Variants in B4GALT5 observed in about 807,000 individuals in gnomAD.
B4GALT5 encodes the protein UDP-Gal:beta-GlcNAc beta-1,4-galactosyltransferase 5.
Under a neutral mutation model 45.0 loss-of-function variants are expected in B4GALT5, and 11 were observed. The ratio of observed to expected loss-of-function variants is 0.24; its 90% CI spans 0.15 to 0.40. The LOEUF (loss-of-function observed/expected upper bound fraction) is 0.40, where lower values mean the gene tolerates loss of function less well. B4GALT5 is among the 10% of genes least tolerant of loss of function. The pLI is 1.00. For missense variants in B4GALT5, 337 were observed against 500.2 expected, an observed-to-expected ratio of 0.67 and a Z score of 3.11; for synonymous variants, 185 against 182.9, an observed-to-expected ratio of 1.01 and a Z score of -0.09.
intron 1 of B4GALT5, among the ~76,000 whole-genome samples, chr20:49,713,135 CG>C (rs1294354625): frequency 6.9e-6 from 1 of 145,312 alleles, no homozygotes; most frequent in African/African-American, 2.6e-5. Flanking sequence ...CACATGGGCT[CG>C]GCGAAGAGCG....
rs1296322073 is a variant in B4GALT5, at chr20:49,635,235, C to T, written c.*1077G>A. The T allele has an allele frequency of 2.9e-5, 4 of 136,418 alleles. No homozygotes were observed. The highest frequency in any genetic ancestry group is 6.4e-5 in the Non-Finnish European group (4 of 62,880). 8.5% of individuals were successfully genotyped at this position (136,418 alleles called of 1,614,324 possible). A position where few individuals can be genotyped will look rare whatever the true frequency, so the allele number is the denominator to read the frequency against. On this transcript the variant is annotated 3_prime_UTR_variant, in exon 9 of 9. Transcript: ENST00000371711. ...GATTCCCATACACACCCCCGCCCCC[C>T]GCCCCCCGCCCCGCCATGCTGATGA...
At chr20:49,705,478 G>A (rs1418427162) in intron 1 of B4GALT5, among the ~76,000 whole-genome samples, 1 of 152,144 alleles carries the variant, frequency 6.6e-6, no homozygotes, top group African/African-American at 2.4e-5. Context: ...GGAGTTCCCA[G>A]GCTAATGTCC....
At chr20:49,641,935 C>CA (rs36119710) in intron 5 of B4GALT5, among the ~76,000 whole-genome samples, 1,918 of 142,500 alleles carry the variant, frequency 0.013, 32 homozygotes, top group African/African-American at 0.045. Flanking sequence ...TATGCAGGAC[C>CA]AAAAAAAAAA....
intron 1 of B4GALT5, among the ~76,000 whole-genome samples, chr20:49,710,106 T>C (rs2085901389): frequency 6.6e-6 from 1 of 152,222 alleles, no homozygotes; most frequent in Non-Finnish European, 1.5e-5. Context: ...CTACATGATT[T>C]TTCTTATTTC....
chr20:49,648,551 A>G (rs1476468996), intron 2 of B4GALT5, among the ~76,000 whole-genome samples: 2 of 152,094 alleles, frequency 1.3e-5, no homozygotes, highest in African/African-American at 4.8e-5. Flanking sequence ...TTGAGCAGTC[A>G]GTTTTCTTGG....
At chr20:49,707,220 G>C (rs890698928) in intron 1 of B4GALT5, among the ~76,000 whole-genome samples, 20 of 152,072 alleles carry the variant, frequency 1.3e-4, no homozygotes, top group Admixed American at 2.6e-4. Flanking sequence ...ACTCCACAAA[G>C]AGAACATAAA....
intron 1 of B4GALT5, among the ~76,000 whole-genome samples, chr20:49,676,375 C>T (rs2085737500): frequency 6.6e-6 from 1 of 152,144 alleles, no homozygotes; most frequent in Admixed American, 6.5e-5. Context: ...TAGAACACAA[C>T]ACACTCAAGA....
intron 4 of B4GALT5, 76 bp from the exon 5 acceptor site, chr20:49,642,660 T>C (rs963258378): frequency 8.1e-6 from 8 of 983,332 alleles, no homozygotes; most frequent in Middle Eastern, 2.2e-4. Context: ...CCCTGATGAA[T>C]TGCTGACCAA....
rs777089978 is a variant in B4GALT5 at position 49,661,275 on chromosome 20, G to A, written c.116-4573C>T. Among the ~76,000 whole-genome samples the A allele has an allele frequency of 9.9e-4, 150 of 152,080 alleles. 2 individuals are homozygous for A. Among genetic ancestry groups the A allele is most frequent in the Non-Finnish European group, 1.2e-4 (8 of 67,984 alleles). ...TTTGGAGATAGAGTCTCCCTCTGTC[G>A]CCCAAGCTGGAGTGTAGTGGCGCGT... On this transcript the variant is annotated intron_variant, in intron 1 of 8. Coordinates refer to ENST00000371711, the MANE Select transcript of B4GALT5 (RefSeq NM_004776.4).
intron 1 of B4GALT5, among the ~76,000 whole-genome samples, chr20:49,687,433 C>A (rs1334847150): frequency 1.3e-5 from 2 of 152,138 alleles, no homozygotes; most frequent in Non-Finnish European, 1.5e-5. Context: ...ATCATAAGGT[C>A]AGTAGTTCGA....
intron 1 of B4GALT5, among the ~76,000 whole-genome samples, chr20:49,692,393 G>A (rs1461655612): frequency 6.6e-6 from 1 of 151,990 alleles, no homozygotes; most frequent in African/African-American, 2.4e-5. Flanking sequence ...CCTGAGCCCA[G>A]GAAGTCAAGG....
chr20:49,668,042 T>C (rs1033319690), intron 1 of B4GALT5, among the ~76,000 whole-genome samples: 109 of 152,178 alleles, frequency 7.2e-4, no homozygotes, highest in African/African-American at 2.6e-3. Context: ...AAAAAGTGTT[T>C]AAAGAGAACT....
chr20:49,688,260 A>G (rs561647563), intron 1 of B4GALT5, among the ~76,000 whole-genome samples: 3 of 152,362 alleles, frequency 2.0e-5, no homozygotes, highest in East Asian at 3.9e-4. Flanking sequence ...GAAACCAAGC[A>G]GAAAGCCTCT....
intron 1 of B4GALT5, among the ~76,000 whole-genome samples, chr20:49,698,690 C>T (rs942800584): frequency 1.3e-5 from 2 of 152,168 alleles, no homozygotes; most frequent in Non-Finnish European, 2.9e-5. Context: ...CATCACACAC[C>T]TCCTAGTCAT....
chr20:49,705,829 CCTAAT>C (rs1049114198), intron 1 of B4GALT5, among the ~76,000 whole-genome samples: 1 of 151,932 alleles, frequency 6.6e-6, no homozygotes, highest in African/African-American at 2.4e-5. Flanking sequence ...GGAGCCCAAA[CCTAAT>C]CTCAGTTTAA....
intron 1 of B4GALT5, among the ~76,000 whole-genome samples, chr20:49,681,023 C>G (rs1170097578): frequency 6.6e-6 from 1 of 151,914 alleles, no homozygotes; most frequent in South Asian, 2.1e-4. Flanking sequence ...GAGTTTGAGA[C>G]CAGCCTGGGA....
At chr20:49,646,155 T>C (rs929152758) in intron 3 of B4GALT5, among the ~76,000 whole-genome samples, 2 of 152,216 alleles carry the variant, frequency 1.3e-5, no homozygotes, top group African/African-American at 4.8e-5. Context: ...TTTTTAAAAC[T>C]TTTTACAAGT....
At chr20:49,689,911 C>T (rs368423522) in intron 1 of B4GALT5, among the ~76,000 whole-genome samples, 1 of 152,154 alleles carries the variant, frequency 6.6e-6, no homozygotes, top group African/African-American at 2.4e-5. Context: ...GACGGGGTCT[C>T]GCTACGTTGC....
At chr20:49,689,098 C>T (rs2085799236) in intron 1 of B4GALT5, among the ~76,000 whole-genome samples, 1 of 152,074 alleles carries the variant, frequency 6.6e-6, no homozygotes, top group Non-Finnish European at 1.5e-5. Flanking sequence ...GTATTGAGTG[C>T]TAGCCTGAGA....
Sources: allele counts gnomAD v4.1 joint callset (sites outside exome capture counted in the v4.1 genomes callset), GRCh38; gene constraint gnomAD v4.1.1; transcripts MANE v1.5; gene names NCBI Gene and HGNC (gene_info 2026-07-23, HGNC 2026-07-21).